The following MRAP2 variants were observed in gnomAD, a reference collection of about 807,000 sequenced individuals.
MRAP2 encodes melanocortin 2 receptor accessory protein 2, also known as melanocortin-2 receptor accessory protein 2.
In MRAP2, 20 loss-of-function variants were observed where a neutral mutation model predicts 17.4. That is an observed-to-expected ratio of 1.15 (90% CI 0.81 to 1.67). The LOEUF (loss-of-function observed/expected upper bound fraction) is 1.67, where lower values mean the gene tolerates loss of function less well. MRAP2 is among the 40% of genes most tolerant of loss of function. The probability of loss-of-function intolerance (pLI) is 0.00; values close to 1 mark genes in which losing one functional copy is unlikely to be tolerated. For synonymous variants in MRAP2, 96 were observed against 88.4 expected, an observed-to-expected ratio of 1.09 and a Z score of -0.48; for missense variants, 238 against 240.0, an observed-to-expected ratio of 0.99 and a Z score of 0.05.
the MRAP2 span, among the ~76,000 whole-genome samples, chr6:84,107,494 T>C: frequency 6.6e-6 from 1 of 152,184 alleles, no homozygotes. Context: ...CTTCATTGGA[T>C]CCAATCAGCA....
the MRAP2 span, among the ~76,000 whole-genome samples, chr6:84,118,470 A>T: frequency 1.3e-5 from 2 of 152,060 alleles, no homozygotes; most frequent in Non-Finnish European, 2.9e-5. Context: ...CCTGGCTGGG[A>T]GGTCCCGCCC....
intron 1 of MRAP2, among the ~76,000 whole-genome samples, chr6:84,043,757 A>G (rs2099488270): frequency 6.6e-6 from 1 of 152,172 alleles, no homozygotes; most frequent in African/African-American, 2.4e-5. Context: ...ATTCTTTAAG[A>G]GCACAGTCCA....
At chr6:84,082,706 A>G (rs2099499317) in intron 3 of MRAP2, among the ~76,000 whole-genome samples, 1 of 152,142 alleles carries the variant, frequency 6.6e-6, no homozygotes, top group South Asian at 2.1e-4. Flanking sequence ...GGCCTTCCAC[A>G]GTGCTGAGAT....
chr6:84,115,007 G>T, the MRAP2 span, among the ~76,000 whole-genome samples: 3 of 152,184 alleles, frequency 2.0e-5, no homozygotes, highest in East Asian at 5.8e-4. Context: ...TGAGGTGTCT[G>T]TTGACCCCTG....
the MRAP2 span, among the ~76,000 whole-genome samples, chr6:84,122,180 A>G: frequency 6.6e-6 from 1 of 152,002 alleles, no homozygotes; most frequent in Admixed American, 6.6e-5. Flanking sequence ...TTCCAAAAAA[A>G]CTGAAGAGGA....
chr6:84,043,087 G>A (rs1378783285), intron 1 of MRAP2, among the ~76,000 whole-genome samples: 1 of 152,126 alleles, frequency 6.6e-6, no homozygotes, highest in African/African-American at 2.4e-5. Flanking sequence ...TTTAAGACAC[G>A]GCCAGTCTCT....
chr6:84,040,370 C>T (rs2099487209), intron 1 of MRAP2, among the ~76,000 whole-genome samples: 2 of 152,164 alleles, frequency 1.3e-5, no homozygotes, highest in Admixed American at 6.5e-5. Context: ...AATGGACTAA[C>T]ACCATAAATT....
chr6:84,113,138 C>T, the MRAP2 span, among the ~76,000 whole-genome samples: 1 of 152,080 alleles, frequency 6.6e-6, no homozygotes, highest in African/African-American at 2.4e-5. Flanking sequence ...GAGTTCGAGT[C>T]CTGAATATCC....
At position 84,090,621 on chromosome 6, in the gene MRAP2, T is replaced by C. The variant is rs2099501603; in HGVS notation, c.*1140T>C. On this transcript the variant is annotated 3_prime_UTR_variant, in exon 4 of 4. Transcript: ENST00000257776. ...TTGGCAGATGTGTAGGTGATAGTCA[T>C]CTGGCTTTGAGCTGAGATGGTCAGT... 6.6e-6 allele frequency: 1 copy of C among 152,226 alleles called. No individual in the cohort carries two copies. The highest frequency in any genetic ancestry group is 6.5e-5 in the Admixed American group (1 of 15,284). The allele number at this position is 152,226 out of a possible 1,614,324, so 9.4% of individuals were successfully genotyped here. A position where few individuals can be genotyped will look rare whatever the true frequency, so the allele number is the denominator to read the frequency against.
chr6:84,145,456 C>A, the MRAP2 span, among the ~76,000 whole-genome samples: 1 of 152,078 alleles, frequency 6.6e-6, no homozygotes, highest in African/African-American at 2.4e-5. Flanking sequence ...TGCCATTGGT[C>A]TTATTGTGAT....
the MRAP2 span, among the ~76,000 whole-genome samples, chr6:84,134,393 T>C: frequency 6.6e-6 from 1 of 152,064 alleles, no homozygotes; most frequent in Admixed American, 6.6e-5. Flanking sequence ...CACTGTGGTA[T>C]GAAAAAAAAC....
At chr6:84,128,377 TA>T in the MRAP2 span, among the ~76,000 whole-genome samples, 1 of 152,112 alleles carries the variant, frequency 6.6e-6, no homozygotes, top group Non-Finnish European at 1.5e-5. Flanking sequence ...AACATGTATT[TA>T]AAAAATACTT....
chr6:84,089,329 GAGGAGC>G lies in MRAP2; in HGVS notation c.467_472del (p.Glu156_Leu158delinsVal). The G allele has an allele frequency of 6.2e-7, 1 of 1,614,206 alleles. No individual in the cohort carries two copies. Among genetic ancestry groups the G allele is most frequent in the Non-Finnish European group, 8.5e-7 (1 of 1,180,042 alleles). ...CATCAGAAGCAGTGGGCAGCCAGAG[GAGGAGC>G]TGAACAGGCTCATGAAGTTTGACAT... is the stretch of plus-strand genomic sequence containing the variant. On this transcript the variant is annotated inframe_deletion, in exon 4 of 4. Transcript: ENST00000257776.
chr6:84,114,629 G>A, the MRAP2 span, among the ~76,000 whole-genome samples: 2 of 152,154 alleles, frequency 1.3e-5, no homozygotes, highest in South Asian at 4.1e-4. Context: ...CTGGTGAGGA[G>A]TTGTGATCCT....
At chr6:84,054,959 CT>C (rs2099491328) in intron 1 of MRAP2, among the ~76,000 whole-genome samples, 1 of 152,154 alleles carries the variant, frequency 6.6e-6, no homozygotes, top group Non-Finnish European at 1.5e-5. Flanking sequence ...GGTATAGGTG[CT>C]GAGGCTGAAG....
intron 3 of MRAP2, among the ~76,000 whole-genome samples, chr6:84,088,083 G>A (rs1230573696): frequency 6.6e-6 from 1 of 152,168 alleles, no homozygotes. Flanking sequence ...GGATGGGAAG[G>A]AAGAGATTTA....
chr6:84,064,621 G>A (rs968565044), intron 3 of MRAP2, among the ~76,000 whole-genome samples: 2 of 152,220 alleles, frequency 1.3e-5, no homozygotes, highest in South Asian at 2.1e-4. Flanking sequence ...CCCAGTAGCT[G>A]GGACTACAGG....
chr6:84,076,602 C>A (rs1275006236), intron 3 of MRAP2, among the ~76,000 whole-genome samples: 1 of 152,100 alleles, frequency 6.6e-6, no homozygotes, highest in African/African-American at 2.4e-5. Flanking sequence ...TCAAGTGATC[C>A]ACCTGCCTCG....
intron 1 of MRAP2, among the ~76,000 whole-genome samples, chr6:84,035,660 G>A (rs1375160048): frequency 1.3e-5 from 2 of 152,208 alleles, no homozygotes; most frequent in African/African-American, 2.4e-5. Context: ...GCCTCTGCGT[G>A]AGTGTTCATA....
Sources: allele counts gnomAD v4.1 joint callset (sites outside exome capture counted in the v4.1 genomes callset), GRCh38; gene constraint gnomAD v4.1.1; transcripts MANE v1.5; gene names NCBI Gene and HGNC (gene_info 2026-07-23, HGNC 2026-07-21).